PLXNA1: variants seen among roughly 807,000 people sequenced by gnomAD.
PLXNA1 encodes plexin-A1.
Under a neutral mutation model 191.7 loss-of-function variants are expected in PLXNA1, and 77 were observed. The ratio of observed to expected loss-of-function variants is 0.40; its 90% CI spans 0.33 to 0.49. PLXNA1 has a LOEUF of 0.49. Ranked by LOEUF, PLXNA1 falls within the 20% of genes least tolerant of loss-of-function variation. The pLI is 0.63. For synonymous variants in PLXNA1, 1,137 were observed against 1,156.4 expected, an observed-to-expected ratio of 0.98 and a Z score of 0.34; for missense variants, 2,110 against 2,660.2, an observed-to-expected ratio of 0.79 and a Z score of 4.55.
chr3:126,997,908 G>A (rs1334249268), intron 3 of PLXNA1, among the ~76,000 whole-genome samples: 3 of 152,358 alleles, frequency 2.0e-5, no homozygotes, highest in Middle Eastern at 3.4e-3. Context: ...CGTCCTGTGT[G>A]TGCTCGGGCT....
At chr3:127,007,545 C>G (rs1243959773) in intron 8 of PLXNA1, among the ~76,000 whole-genome samples, 1 of 152,052 alleles carries the variant, frequency 6.6e-6, no homozygotes, top group Non-Finnish European at 1.5e-5. Flanking sequence ...GGATAGGGAG[C>G]CTGGGGTCAG....
In PLXNA1 at chr3:126,988,700, G is replaced by A. The variant is rs759277697; in HGVS notation, c.107G>A (p.Gly36Asp). 22 of 1,574,790 alleles carry A rather than the reference G, an allele frequency of 1.4e-5. No homozygotes were observed. Among genetic ancestry groups the A allele is most frequent in the Non-Finnish European group, 1.8e-5 (21 of 1,158,416 alleles). The change falls in exon 2 of 32, where the codon GGT becomes GAT. Residue 36 changes from glycine (G) to aspartate (D), a missense_variant. This residue lies in a region of PLXNA1 where 903 missense variants were observed against 1,015.7 expected (regional missense o/e 0.89). Transcript: ENST00000393409. ...AEAGLPRAGGGSQPPFRTFSA... is the reference protein window; with the variant it reads ...AEAGLPRAGGDSQPPFRTFSA... Reference sequence around the variant, plus strand: ...GCAGGCTTGCCCAGGGCAGGCGGGGGTTCACAGCCCCCCTTCCGCACCTTC... The same window carrying A: ...GCAGGCTTGCCCAGGGCAGGCGGGGATTCACAGCCCCCCTTCCGCACCTTC...
At chr3:127,011,912 C>A (rs369065493) in intron 9 of PLXNA1, 46 bp from the exon 10 acceptor site, 241 of 1,566,270 alleles carry the variant, frequency 1.5e-4, no homozygotes, top group Non-Finnish European at 2.0e-4. Flanking sequence ...GCACCTTGCT[C>A]ACTGGTCTCC....
In PLXNA1 at chr3:127,004,909, G is replaced by A. The variant is rs1239439614; in HGVS notation, c.1644G>A (p.Glu548=). 3.7e-6 allele frequency: 6 copies of A among 1,604,618 alleles called. No homozygotes were observed. Among genetic ancestry groups the A allele is most frequent in the Admixed American group, 1.7e-5 (1 of 59,710 alleles). The change falls in exon 6 of 32, where the codon GAG becomes GAA. Residue 548 remains glutamate, a synonymous_variant. Coordinates refer to ENST00000393409, the MANE Select transcript of PLXNA1 (RefSeq NM_032242.4). Reference sequence around the variant, plus strand: ...GCTGCTCGCGGCGGGACGCCTGTGAGCGAGCAGACGAGCCCCAGCGCTTTG... The same window carrying A: ...GCTGCTCGCGGCGGGACGCCTGTGAACGAGCAGACGAGCCCCAGCGCTTTG... ...HSICSRRDAC[E]RADEPQRFAA... is the part of the protein sequence containing the mutation.
chr3:127,020,046 G>A (rs2079144718), intron 20 of PLXNA1, among the ~76,000 whole-genome samples, 156 bp from the exon 21 acceptor site: 1 of 152,220 alleles, frequency 6.6e-6, no homozygotes, highest in Non-Finnish European at 1.5e-5. Flanking sequence ...TAGGGCTGTA[G>A]TAGCTGGGGG....
In PLXNA1 at chr3:127,017,487, G is replaced by T. The variant is rs1314443529; in HGVS notation, c.3339G>T (p.Val1113=). The T allele has an allele frequency of 4.3e-6, 7 of 1,613,536 alleles. No individual in the cohort carries two copies. The Admixed American group carries it at 8.3e-5, about 19-fold the overall frequency. The part of the protein sequence containing the change: ...VCRAPSVANP[V]RSPPELGERP... ...GCGCCCCGTCTGTGGCCAACCCTGT[G>T]CGCAGCCCACCAGAGCTGGGGGAGC... is the stretch of plus-strand genomic sequence containing the variant. Residue 1113 remains valine, a synonymous_variant, in exon 18 of 32, where the codon GTG becomes GTT. Transcript: ENST00000393409.
At position 127,028,974 on chromosome 3, in the gene PLXNA1, C is replaced by T. The variant is rs866807161; in HGVS notation, c.4670-19C>T. 1.9e-6 allele frequency: 3 copies of T among 1,604,496 alleles called. No individual in the cohort carries two copies. Among genetic ancestry groups the T allele is most frequent in the Middle Eastern group, 3.3e-4 (2 of 6,044 alleles). On this transcript the variant is annotated intron_variant, in intron 25 of 31. Transcript: ENST00000393409. The stretch of plus-strand genomic sequence containing the variant: ...AGAGGGCCCCAGCGGCCCCACCCTC[C>T]AGCTCCCTCCTCCCCCAGAGTGGCG...
intron 1 of PLXNA1, among the ~76,000 whole-genome samples, chr3:126,985,469 C>G (rs1293302009): frequency 1.3e-5 from 2 of 152,130 alleles, no homozygotes; most frequent in Non-Finnish European, 2.9e-5. Flanking sequence ...TGTTTCCCAC[C>G]CCAGGCCTTT....
chr3:126,983,592 G>C lies in PLXNA1; in HGVS notation c.-74+305G>C, dbSNP rs938312059. On this transcript the variant is annotated intron_variant, in intron 1 of 31. Coordinates refer to ENST00000393409, the MANE Select transcript of PLXNA1 (RefSeq NM_032242.4). ...CGGCGGGGCTGGGACCGCGGCCCGG[G>C]ATCCAGCGCCGCGGCCTCCCCCGCC... Among the ~76,000 whole-genome samples the C allele has an allele frequency of 2.0e-4, 29 of 147,522 alleles. No individual in the cohort carries two copies. The South Asian group carries it at 5.6e-3, about 28-fold the overall frequency.
intron 31 of PLXNA1, among the ~76,000 whole-genome samples, chr3:127,033,564 G>C (rs2079223343): frequency 6.6e-6 from 1 of 152,132 alleles, no homozygotes; most frequent in Non-Finnish European, 1.5e-5. Context: ...GGGGACAAAA[G>C]CCTGGGGTCC....
Position 127,032,552 on chromosome 3 carries a change from G to A in PLXNA1, c.5397G>A (p.Lys1799=). 2 of 1,614,018 alleles carry A rather than the reference G, an allele frequency of 1.2e-6. No homozygotes were observed. The highest frequency in any genetic ancestry group is 1.7e-5 in the Admixed American group (1 of 60,026). ...HKLGKDSPSN[K]LLYAKDIPNY... ...TGGGCAAGGACTCACCCTCCAACAAGCTGCTCTACGCCAAGGACATCCCCA... is the reference window on the plus strand; with the variant it reads ...TGGGCAAGGACTCACCCTCCAACAAACTGCTCTACGCCAAGGACATCCCCA... Residue 1799 remains lysine, a synonymous_variant, in exon 30 of 32, where the codon AAG becomes AAA. Coordinates refer to ENST00000393409, the MANE Select transcript of PLXNA1 (RefSeq NM_032242.4).
intron 31 of PLXNA1, among the ~76,000 whole-genome samples, chr3:127,033,717 AGG>A (rs1215803859): frequency 6.6e-6 from 1 of 152,032 alleles, no homozygotes; most frequent in Non-Finnish European, 1.5e-5. Context: ...CTGCTGTTTT[AGG>A]GGGTGAGAGT....
intron 10 of PLXNA1, among the ~76,000 whole-genome samples, chr3:127,013,053 CT>C (rs2079103463): frequency 6.6e-6 from 1 of 152,174 alleles, no homozygotes; most frequent in South Asian, 2.1e-4. Context: ...TGGCTGACCC[CT>C]GGTCTGTCCC....
chr3:127,004,354 T>C (rs1233242719), intron 4 of PLXNA1, among the ~76,000 whole-genome samples: 1 of 152,226 alleles, frequency 6.6e-6, no homozygotes, highest in African/African-American at 2.4e-5. Flanking sequence ...TGGTTGAAGC[T>C]GCAGGTGCTT....
At chr3:127,002,169 A>G (rs1468523405) in intron 3 of PLXNA1, among the ~76,000 whole-genome samples, 1 of 152,196 alleles carries the variant, frequency 6.6e-6, no homozygotes, top group African/African-American at 2.4e-5. Context: ...GCCGTGGGCC[A>G]TGGCCCTGCA....
chr3:127,030,224 C>T lies in PLXNA1; in HGVS notation c.5062-19C>T. The T allele has an allele frequency of 6.2e-7, 1 of 1,610,600 alleles. No individual in the cohort carries two copies. The highest frequency in any genetic ancestry group is 8.5e-7 in the Non-Finnish European group (1 of 1,177,986). On this transcript the variant is annotated intron_variant, in intron 28 of 31. Coordinates refer to ENST00000393409, the MANE Select transcript of PLXNA1 (RefSeq NM_032242.4). ...CAGGCAGCGCCCTGGGGCTCAGTGTCCCTGCCTGCCCCCCGCAGGGCACAC... is the reference window on the plus strand; with the variant it reads ...CAGGCAGCGCCCTGGGGCTCAGTGTTCCTGCCTGCCCCCCGCAGGGCACAC...
Position 127,015,290 on chromosome 3 carries a change from C to T in PLXNA1, c.2984C>T (p.Ser995Leu), listed in dbSNP as rs572186564. The T allele has an allele frequency of 1.6e-5, 25 of 1,607,110 alleles. No individual in the cohort carries two copies. Among genetic ancestry groups the T allele is most frequent in the African/African-American group, 8.1e-5 (6 of 74,376 alleles). ...AACGCAGGCAGTGATGTGGCTGTGTCGGTCGGTGGCCGGCCCTGCTCCTTC... is the reference window on the plus strand; with the variant it reads ...AACGCAGGCAGTGATGTGGCTGTGTTGGTCGGTGGCCGGCCCTGCTCCTTC... ...HLNAGSDVAV[S>L]VGGRPCSFSW... is the part of the protein sequence containing the mutation. The change falls in exon 15 of 32, where the codon TCG (serine) becomes TTG (leucine). Residue 995 changes from serine to leucine, a missense_variant. Ser to Leu is a moderately radical substitution (Grantham distance 145). Around this residue, in one of 4 missense-constraint regions of PLXNA1, gnomAD observed 644 missense variants for 714.3 expected, o/e 0.90. Coordinates refer to ENST00000393409, the MANE Select transcript of PLXNA1 (RefSeq NM_032242.4).
chr3:127,003,399 G>A lies in PLXNA1; in HGVS notation c.1447G>A (p.Gly483Ser), dbSNP rs1408779445. 6.2e-7 allele frequency: 1 copy of A among 1,611,344 alleles called. No homozygotes were observed. Among genetic ancestry groups the A allele is most frequent in the Non-Finnish European group, 8.5e-7 (1 of 1,179,304 alleles). ...LAYESVVAQE[G>S]SPILRDLVLS... ...CTACGAGAGCGTCGTGGCCCAGGAG[G>A]GCAGCCCCATCCTGCGAGACCTCGT... Residue 483 changes from glycine (G) to serine (S), a missense_variant, in exon 4 of 32, where the codon GGC (glycine) becomes AGC (serine). Gly to Ser is a moderately conservative substitution (Grantham distance 56). Around this residue, in one of 4 missense-constraint regions of PLXNA1, gnomAD observed 903 missense variants for 1,015.7 expected, o/e 0.89. Transcript: ENST00000393409.
intron 17 of PLXNA1, 91 bp downstream of exon 17, chr3:127,017,128 C>T: frequency 8.2e-7 from 1 of 1,218,356 alleles, no homozygotes; most frequent in Non-Finnish European, 1.2e-6. Flanking sequence ...TGCCCCTGCC[C>T]CTACCCCTGC....
Sources: gnomAD v4.1 joint callset for allele counts (sites outside exome capture counted in the v4.1 genomes callset) on GRCh38, gnomAD v4.1.1 for gene constraint, gnomAD v4.1.1 regional missense constraint, MANE v1.5 for transcripts, NCBI Gene and HGNC (gene_info 2026-07-23, HGNC 2026-07-21) for gene names.